Variants in CTNND2 observed in about 807,000 individuals in gnomAD.
CTNND2 encodes catenin delta 2.
Under a neutral mutation model 144.4 loss-of-function variants are expected in CTNND2, and 22 were observed. That is an observed-to-expected ratio of 0.15 (90% confidence interval 0.11 to 0.22). The LOEUF is 0.22. CTNND2 is among the 10% of genes least tolerant of loss of function. CTNND2 has a pLI of 1.00. For missense variants in CTNND2, 1,353 were observed against 1,618.8 expected (o/e 0.84, Z 2.82); for synonymous variants, 751 against 695.6 (o/e 1.08, Z -1.25).
At chr5:11,269,527 C>G (rs774866442) in intron 9 of CTNND2, among the ~76,000 whole-genome samples, 2 of 152,198 alleles carry the variant, frequency 1.3e-5, no homozygotes, top group African/African-American at 4.8e-5. Flanking sequence ...TAATATTCAA[C>G]TGGACCACAG....
intron 9 of CTNND2, among the ~76,000 whole-genome samples, chr5:11,303,206 C>T (rs1749798546): frequency 6.6e-6 from 1 of 152,188 alleles, no homozygotes; most frequent in Non-Finnish European, 1.5e-5. Flanking sequence ...TGAATTCTAG[C>T]TTGGTGTTTG....
At chr5:11,809,843 T>C (rs10058956) in intron 1 of CTNND2, among the ~76,000 whole-genome samples, 15,138 of 152,136 alleles carry the variant, frequency 0.1, 1,779 homozygotes, top group African/African-American at 0.28. Context: ...GTCACTGCGG[T>C]CCTATTGTAA....
rs535191830 is a variant in CTNND2, at chr5:11,690,369, T to C, written c.174+41767A>G. Reference sequence around the variant, plus strand: ...TATTGCAAATTGTATAGTCCTCAAATGCTGCTTCATTTTTACAGTAACACA... The same window carrying C: ...TATTGCAAATTGTATAGTCCTCAAACGCTGCTTCATTTTTACAGTAACACA... On this transcript the variant is annotated intron_variant, in intron 2 of 21. Coordinates refer to ENST00000304623, the MANE Select transcript of CTNND2 (RefSeq NM_001332.4). Among the ~76,000 whole-genome samples, 8 of 152,336 alleles carry C rather than the reference T, an allele frequency of 5.3e-5. No individual in the cohort carries two copies. In the South Asian group the frequency reaches 1.7e-3, roughly 32 times the overall value.
chr5:11,066,099 G>T (rs1747545323), intron 16 of CTNND2, among the ~76,000 whole-genome samples: 1 of 150,826 alleles, frequency 6.6e-6, no homozygotes, highest in Admixed American at 6.6e-5. Flanking sequence ...GAGTGCAGTG[G>T]TGTGATCTCA....
intron 13 of CTNND2, 50 bp downstream of exon 13, chr5:11,117,399 CG>C (rs773615724): frequency 7.1e-7 from 1 of 1,401,854 alleles, no homozygotes; most frequent in Non-Finnish European, 1.0e-6. Context: ...TGTTGAGTCC[CG>C]TGGGAGTCTT....
chr5:11,641,732 GTA>G (rs1367311943), intron 2 of CTNND2, among the ~76,000 whole-genome samples: 16 of 34,508 alleles, frequency 4.6e-4, no homozygotes, highest in African/African-American at 9.5e-4. Context: ...ATACGTGTGT[GTA>G]TATACATATA....
chr5:11,611,693 G>A (rs1355545563), intron 2 of CTNND2, among the ~76,000 whole-genome samples: 8 of 152,268 alleles, frequency 5.3e-5, no homozygotes, highest in East Asian at 3.9e-4. Context: ...CAGGAGAATC[G>A]CTGGAACCCG....
intron 3 of CTNND2, among the ~76,000 whole-genome samples, chr5:11,427,469 G>A (rs894309578): frequency 2.0e-5 from 3 of 151,792 alleles, no homozygotes; most frequent in Non-Finnish European, 2.9e-5. Flanking sequence ...TATTAGAGAC[G>A]AGGTTTGACC....
rs143167896 is a variant in CTNND2 at position 11,070,765 on chromosome 5, A to G, written c.2788+11931T>C. On this transcript the variant is annotated intron_variant, in intron 16 of 21. Transcript: ENST00000304623. ...GGAGGCAACTAAAGACATTTTCAAA[A>G]TGACACAAAGCTGAGAGAATTTATC... Among the ~76,000 whole-genome samples the G allele has an allele frequency of 3.7e-4, 56 of 152,350 alleles. No homozygotes were observed. In the East Asian group the frequency reaches 0.011, roughly 29 times the overall value.
intron 9 of CTNND2, among the ~76,000 whole-genome samples, chr5:11,241,677 G>T (rs1742466968): frequency 6.6e-6 from 1 of 152,192 alleles, no homozygotes; most frequent in African/African-American, 2.4e-5. Flanking sequence ...TAACAGTTTT[G>T]TTTCGCTTAG....
chr5:11,392,327 A>G (rs1249353580), intron 6 of CTNND2, among the ~76,000 whole-genome samples: 1 of 152,230 alleles, frequency 6.6e-6, no homozygotes, highest in Non-Finnish European at 1.5e-5. Flanking sequence ...ACCAGTGGAA[A>G]GAAAATAGAG....
chr5:11,372,657 G>GA (rs11408063), intron 7 of CTNND2, among the ~76,000 whole-genome samples: 8,565 of 152,198 alleles, frequency 0.056, 549 homozygotes, highest in East Asian at 0.23. Flanking sequence ...ACAGGAAGTA[G>GA]AAAGTAGCAC....
intron 3 of CTNND2, among the ~76,000 whole-genome samples, chr5:11,492,454 C>T (rs1399205589): frequency 6.7e-6 from 1 of 149,862 alleles, no homozygotes; most frequent in African/African-American, 2.5e-5. Context: ...TATATATATG[C>T]TTTCTGTGAA....
At position 11,060,173 on chromosome 5, in the gene CTNND2, C is replaced by A. The variant is rs558807328; in HGVS notation, c.2788+22523G>T. ...TTCACAACCACAGCATTTGCAGGGA[C>A]GGCTCAAGGGGTGGGAGCTACCCCC... is the stretch of plus-strand genomic sequence containing the variant. On this transcript the variant is annotated intron_variant, in intron 16 of 21. Transcript: ENST00000304623. Among the ~76,000 whole-genome samples the A allele has an allele frequency of 2.0e-5, 3 of 152,230 alleles. No individual in the cohort carries two copies. In the South Asian group the frequency reaches 6.2e-4, roughly 32 times the overall value.
intron 3 of CTNND2, among the ~76,000 whole-genome samples, chr5:11,436,249 G>A (rs1355075919): frequency 6.6e-6 from 1 of 152,122 alleles, no homozygotes; most frequent in Non-Finnish European, 1.5e-5. Context: ...TACAGTCAGA[G>A]CTGTCTGAGT....
intron 16 of CTNND2, among the ~76,000 whole-genome samples, chr5:11,053,192 T>G (rs1407672479): frequency 6.6e-6 from 1 of 152,226 alleles, no homozygotes; most frequent in East Asian, 1.9e-4. Flanking sequence ...GCTTTTCTCT[T>G]TTCTTTTCTA....
intron 3 of CTNND2, among the ~76,000 whole-genome samples, chr5:11,551,893 G>A (rs112919256): frequency 0.015 from 2,330 of 152,100 alleles, 62 homozygotes; most frequent in African/African-American, 0.053. Context: ...GAGCCACCAC[G>A]CCTGGCGTTT....
intron 21 of CTNND2, among the ~76,000 whole-genome samples, chr5:10,975,289 T>A (rs1407168508): frequency 1.3e-5 from 2 of 152,096 alleles, no homozygotes; most frequent in African/African-American, 4.8e-5. Context: ...TTTGGAAAAA[T>A]TATACAGGGA....
intron 7 of CTNND2, among the ~76,000 whole-genome samples, chr5:11,377,288 C>T (rs1183951004): frequency 1.3e-5 from 2 of 152,064 alleles, no homozygotes; most frequent in East Asian, 3.9e-4. Context: ...AACTCCTGAC[C>T]TCATGATCTG....
Sources: gnomAD v4.1 joint callset for allele counts (sites outside exome capture counted in the v4.1 genomes callset) on GRCh38, gnomAD v4.1.1 for gene constraint, MANE v1.5 for transcripts, NCBI Gene and HGNC (gene_info 2026-07-23, HGNC 2026-07-21) for gene names.